Variants in DIP2A observed in about 807,000 individuals in gnomAD.
DIP2A encodes the protein disco-interacting protein 2 homolog A.
In DIP2A, 85 loss-of-function variants were observed where a neutral mutation model predicts 177.4. The observed-to-expected ratio is 0.48, with a 90% confidence interval of 0.40 to 0.57. The LOEUF (loss-of-function observed/expected upper bound fraction) is 0.57. Ranked by LOEUF, DIP2A falls within the 20% of genes least tolerant of loss-of-function variation. The probability of loss-of-function intolerance (pLI) is 0.00; values close to 1 mark genes in which losing one functional copy is unlikely to be tolerated. For missense variants in DIP2A, 1,791 were observed against 2,100.2 expected (o/e 0.85, Z 2.88); for synonymous variants, 886 against 881.8 (o/e 1.00, Z -0.08).
chr21:46,518,954 G>A (rs2058701641), intron 8 of DIP2A, among the ~76,000 whole-genome samples: 1 of 152,206 alleles, frequency 6.6e-6, no homozygotes, highest in Admixed American at 6.5e-5. Flanking sequence ...TTGGGCTGCT[G>A]GACTAAGAAT....
Position 46,569,155 on chromosome 21 carries a change from A to G in DIP2A, c.*1533A>G, listed in dbSNP as rs896576898. 5 of 152,142 alleles carry G rather than the reference A, an allele frequency of 3.3e-5. No homozygotes were observed. Among genetic ancestry groups the G allele is most frequent in the Non-Finnish European group, 7.4e-5 (5 of 68,026 alleles). The allele number at this position is 152,142 out of a possible 1,614,324, so 9.4% of individuals were successfully genotyped here. ...GTATTGAGGGTGGCAAATTTTGTGAATCATGCATGCTTCACAGAAACAACC... is the reference window on the plus strand; with the variant it reads ...GTATTGAGGGTGGCAAATTTTGTGAGTCATGCATGCTTCACAGAAACAACC... On this transcript the variant is annotated 3_prime_UTR_variant, in exon 38 of 38. Coordinates refer to ENST00000417564, the MANE Select transcript of DIP2A (RefSeq NM_015151.4).
intron 1 of DIP2A, among the ~76,000 whole-genome samples, chr21:46,482,569 T>C (rs535348996): frequency 3.4e-4 from 52 of 152,236 alleles, no homozygotes; most frequent in Non-Finnish European, 6.5e-4. Flanking sequence ...ATTTTAAAAA[T>C]GTTAACTGTC....
At chr21:46,503,325 CAAA>C (rs66982574) in intron 5 of DIP2A, among the ~76,000 whole-genome samples, 5 of 101,364 alleles carry the variant, frequency 4.9e-5, no homozygotes, top group African/African-American at 3.9e-5. Flanking sequence ...GACTCCATCT[CAAA>C]AAAAAAAAAA....
intron 8 of DIP2A, among the ~76,000 whole-genome samples, chr21:46,519,855 A>ATT (rs59574579): frequency 0.011 from 605 of 53,008 alleles, 183 homozygotes; most frequent in African/African-American, 0.014. Flanking sequence ...ATTGATCTAG[A>ATT]TTTTTTTTTT....
chr21:46,550,450 A>G lies in DIP2A; in HGVS notation c.2638-93A>G. The G allele has an allele frequency of 1.6e-6, 2 of 1,214,972 alleles. 1 individual carries two copies. The allele number at this position is 1,214,972 out of a possible 1,614,324, so 75.3% of individuals were successfully genotyped here. On this transcript the variant is annotated intron_variant, in intron 22 of 37. Transcript: ENST00000417564. ...GGCATTCCATTTCCTGGCCTGGGGA[A>G]CAGGTCCACAGAGGGGATGTTCCTG...
chr21:46,498,139 G>A lies in DIP2A; in HGVS notation c.404-443G>A, dbSNP rs564813803. Among the ~76,000 whole-genome samples the A allele has an allele frequency of 2.0e-5, 3 of 152,184 alleles. No homozygotes were observed. Among genetic ancestry groups the A allele is most frequent in the South Asian group, 2.1e-4 (1 of 4,828 alleles). On this transcript the variant is annotated intron_variant, in intron 4 of 37. Transcript: ENST00000417564. This position sits in a 1 kb window ranked among gnomAD's most constrained non-coding sequence, Gnocchi z 4.3. ...GTTGCTGGGGCCATGCACAGGCCAG[G>A]ATGCCTTCTCACTGCCTCCAAGATG...
At chr21:46,514,630 T>TG (rs2058476739) in intron 8 of DIP2A, among the ~76,000 whole-genome samples, 1 of 140,152 alleles carries the variant, frequency 7.1e-6, no homozygotes, top group Non-Finnish European at 1.5e-5. Context: ...TTTTTTTTTT[T>TG]TTTTTTTTTT....
chr21:46,490,069 C>T (rs937245628), intron 2 of DIP2A, among the ~76,000 whole-genome samples: 3 of 152,172 alleles, frequency 2.0e-5, no homozygotes, highest in Admixed American at 6.5e-5. Flanking sequence ...TGGGCCCTGA[C>T]GCCATCTTTC....
rs1434094913 is a variant in DIP2A at position 46,568,102 on chromosome 21, C to T, written c.*480C>T. The T allele has an allele frequency of 6.5e-6, 1 of 152,922 alleles. No individual in the cohort carries two copies. Among genetic ancestry groups the T allele is most frequent in the Non-Finnish European group, 1.5e-5 (1 of 68,596 alleles). 9.5% of individuals were successfully genotyped at this position (152,922 alleles called of 1,614,324 possible). A position where few individuals can be genotyped will look rare whatever the true frequency, so the allele number is the denominator to read the frequency against. On this transcript the variant is annotated 3_prime_UTR_variant, in exon 38 of 38. Coordinates refer to ENST00000417564, the MANE Select transcript of DIP2A (RefSeq NM_015151.4). The stretch of plus-strand genomic sequence containing the variant: ...TCTGGGAAGATAGCAGAGTACAAAC[C>T]AGCTGCCTCACTTCTGTTTCACAGG...
At chr21:46,464,804 T>A in intron 1 of DIP2A, among the ~76,000 whole-genome samples, 1 of 147,296 alleles carries the variant, frequency 6.8e-6, no homozygotes. Context: ...TTCCTTTTTC[T>A]TAATATTCAT....
At chr21:46,500,955 T>C (rs933497978) in intron 5 of DIP2A, among the ~76,000 whole-genome samples, 1 of 152,244 alleles carries the variant, frequency 6.6e-6, no homozygotes, top group Non-Finnish European at 1.5e-5. Context: ...TGATCAATTC[T>C]AATACATTTA....
At chr21:46,477,637 T>G (rs2056013421) in intron 1 of DIP2A, among the ~76,000 whole-genome samples, 1 of 144,538 alleles carries the variant, frequency 6.9e-6, no homozygotes, top group Non-Finnish European at 1.5e-5. Context: ...ACAGTGCCAC[T>G]ATCTCGGCTC....
chr21:46,499,736 C>T (rs1160348270), intron 5 of DIP2A, among the ~76,000 whole-genome samples: 1 of 152,192 alleles, frequency 6.6e-6, no homozygotes, highest in Non-Finnish European at 1.5e-5. Flanking sequence ...AACCCACATA[C>T]ACTCTTGCAC....
rs1329731269 is a variant in DIP2A, at chr21:46,567,657, G to A, written c.*35G>A. ...ACCGGCCCAGGTGCCGGAGATGAATGAGCCCCAGCAGTCCAAGGTGTGATG... is the reference window on the plus strand; with the variant it reads ...ACCGGCCCAGGTGCCGGAGATGAATAAGCCCCAGCAGTCCAAGGTGTGATG... On this transcript the variant is annotated 3_prime_UTR_variant, in exon 38 of 38. Transcript: ENST00000417564. 2 of 1,553,762 alleles carry A rather than the reference G, an allele frequency of 1.3e-6. No individual in the cohort carries two copies. The highest frequency in any genetic ancestry group is 1.8e-5 in the Admixed American group (1 of 54,266).
At position 46,558,212 on chromosome 21, in the gene DIP2A, C is replaced by T. The variant is rs1358809316; in HGVS notation, c.3799-11C>T. 9 of 1,605,714 alleles carry T rather than the reference C, an allele frequency of 5.6e-6. No individual in the cohort carries two copies. The South Asian group carries it at 1.0e-4, about 18-fold the overall frequency. ...CTGTGGCCGTGGCCTGACCGCTCAC[C>T]CCTCCCGCAGATGAAGGGGGTGAAC... On this transcript the variant is annotated splice_polypyrimidine_tract_variant and intron_variant, in intron 31 of 37. Transcript: ENST00000417564.
At chr21:46,473,779 G>A (rs1020434097) in intron 1 of DIP2A, among the ~76,000 whole-genome samples, 2 of 152,154 alleles carry the variant, frequency 1.3e-5, no homozygotes, top group Non-Finnish European at 2.9e-5. Flanking sequence ...GCCTCCCAAA[G>A]TGCTGGAATT....
chr21:46,541,757 C>T lies in DIP2A; in HGVS notation c.2038C>T (p.Pro680Ser), dbSNP rs1285811134. The part of the protein sequence containing the change: ...PEALTVAIRR[P>S]PDLGGPPPRK... The stretch of plus-strand genomic sequence containing the variant: ...ACCCATGGTGGTTTTATTTTCTAGG[C>T]CACCTGATCTGGGAGGACCACCTCC... The change falls in exon 18 of 38, where the codon CCA (proline) becomes TCA (serine). Residue 680 changes from proline to serine, a missense_variant and splice_region_variant. Physicochemically the swap from Pro to Ser is moderately conservative, Grantham distance 74. Coordinates refer to ENST00000417564, the MANE Select transcript of DIP2A (RefSeq NM_015151.4). The T allele has an allele frequency of 6.2e-7, 1 of 1,613,770 alleles. No homozygotes were observed.
At position 46,525,076 on chromosome 21, in the gene DIP2A, A is replaced by G. The variant is rs145733295; in HGVS notation, c.1103-4016A>G. ...AATTTTTTGTATTTTTAGTAGAGTC[A>G]GGGTTTCACTGTGTTGACCAGGCTG... On this transcript the variant is annotated intron_variant, in intron 8 of 37. Coordinates refer to ENST00000417564, the MANE Select transcript of DIP2A (RefSeq NM_015151.4). Among the ~76,000 whole-genome samples, 1,385 of 151,478 alleles carry G rather than the reference A, an allele frequency of 9.1e-3. 29 individuals carry two copies. Among genetic ancestry groups the G allele is most frequent in the African/African-American group, 0.032 (1,323 of 41,280 alleles).
rs199908237 is a variant in DIP2A at position 46,551,643 on chromosome 21, C to A, written c.2849C>A (p.Pro950Gln). Reference sequence around the variant, plus strand: ...GTTCCCCCGTTTCTAGAGGTTGGACCAGCCTCAATGATCGTGGGGAACCTG... The same window carrying A: ...GTTCCCCCGTTTCTAGAGGTTGGACAAGCCTCAATGATCGTGGGGAACCTG... ...KPRQKQPEVG[P>Q]ASMIVGNLVA... Residue 950 changes from proline (P) to glutamine (Q), a missense_variant, in exon 24 of 38, where the codon CCA becomes CAA. Coordinates refer to ENST00000417564, the MANE Select transcript of DIP2A (RefSeq NM_015151.4). 3.1e-6 allele frequency: 5 copies of A among 1,613,918 alleles called. No homozygotes were observed. The highest frequency in any genetic ancestry group is 3.4e-6 in the Non-Finnish European group (4 of 1,179,858).
Sources: allele counts gnomAD v4.1 joint callset (sites outside exome capture counted in the v4.1 genomes callset), GRCh38; gene constraint gnomAD v4.1.1; non-coding constraint Gnocchi (gnomAD v3.1); transcripts MANE v1.5; gene names NCBI Gene and HGNC (gene_info 2026-07-23, HGNC 2026-07-21).